ZNF234: variants seen among roughly 807,000 people sequenced by gnomAD.
The protein encoded by ZNF234 is C2-H2 type zinc finger protein.
A neutral mutation model predicts 10.3 loss-of-function variants in ZNF234; 4 were observed. The observed-to-expected ratio is 0.39, with a 90% confidence interval of 0.19 to 0.89. The LOEUF (loss-of-function observed/expected upper bound fraction) is 0.89. ZNF234 is among the 40% of genes least tolerant of loss of function. The pLI is 0.38. For synonymous variants in ZNF234, 258 were observed against 280.1 expected (o/e 0.92, Z 0.79); for missense variants, 711 against 836.1 (o/e 0.85, Z 1.85).
chr19:44,153,157 GTATTCATCATA>G (rs1968784998), intron 5 of ZNF234, among the ~76,000 whole-genome samples: 4 of 67,500 alleles, frequency 5.9e-5, no homozygotes, highest in African/African-American at 3.5e-4. Context: ...ATCTAATCAT[GTATTCATCATA>G]TATATATATA....
chr19:44,150,285 C>G (rs937074245), intron 4 of ZNF234, 128 bp from the exon 5 acceptor site: 6 of 571,100 alleles, frequency 1.1e-5, no homozygotes, highest in Non-Finnish European at 1.5e-5. Context: ...TCATTAGGTT[C>G]TTCTAAAAGT....
At position 44,144,657 on chromosome 19, in the gene ZNF234, G is replaced by A. The variant is rs1281551288; in HGVS notation, c.15+10G>A. ...AATGACCACATTCAAGGTGAATAAG[G>A]CTTGCCACTCTTGCTGTTAAAATTC... On this transcript the variant is annotated intron_variant, in intron 3 of 5. Transcript: ENST00000426739. The A allele has an allele frequency of 6.5e-7, 1 of 1,545,796 alleles. No homozygotes were observed. The highest frequency in any genetic ancestry group is 8.8e-7 in the Non-Finnish European group (1 of 1,139,620).
intron 3 of ZNF234, among the ~76,000 whole-genome samples, chr19:44,145,134 A>T (rs538693381): frequency 6.6e-6 from 1 of 152,152 alleles, no homozygotes. Flanking sequence ...GTGTGAATGA[A>T]CAGTTCTCCT....
At chr19:44,154,641 T>C (rs1968834825) in intron 5 of ZNF234, among the ~76,000 whole-genome samples, 1 of 146,782 alleles carries the variant, frequency 6.8e-6, no homozygotes, top group African/African-American at 2.5e-5. Flanking sequence ...TTTTTTTTTT[T>C]TTTTTTTTTG....
intron 3 of ZNF234, 21 bp from the exon 4 acceptor site, chr19:44,148,750 A>G (rs777728486): frequency 6.2e-7 from 1 of 1,612,710 alleles, no homozygotes; most frequent in South Asian, 1.1e-5. Flanking sequence ...AGGCTGAAGT[A>G]AGGTGTGTTT....
In ZNF234 at chr19:44,154,217, G is replaced by C. The variant is rs369943656; in HGVS notation, c.236-2035G>C. 3.9e-5 allele frequency among the ~76,000 whole-genome samples: 6 copies of C among 152,284 alleles called. 1 individual carries two copies. Among genetic ancestry groups the C allele is most frequent in the African/African-American group, 1.4e-4 (6 of 41,560 alleles). ...TTCCTCCCTGAATATAACTCCTGCT[G>C]TGGGGGTGGCTTTCAAAGTTTACAC... On this transcript the variant is annotated intron_variant, in intron 5 of 5. Transcript: ENST00000426739.
At chr19:44,148,486 G>A (rs1414433327) in intron 3 of ZNF234, among the ~76,000 whole-genome samples, 5 of 152,166 alleles carry the variant, frequency 3.3e-5, no homozygotes, top group Non-Finnish European at 5.9e-5. Flanking sequence ...GGTGAAACCC[G>A]TGTGGCTCAG....
chr19:44,159,373 C>T lies in ZNF234; in HGVS notation c.*1254C>T, dbSNP rs1763771238. On this transcript the variant is annotated 3_prime_UTR_variant, in exon 6 of 6. Coordinates refer to ENST00000426739, the MANE Select transcript of ZNF234 (RefSeq NM_006630.3). The stretch of plus-strand genomic sequence containing the variant: ...TGTATGTTTGGTAGAGAAAGGGTTT[C>T]ACCACATTGCCCAGGCTGGTCTTGA... 4.7e-6 allele frequency: 1 copy of T among 214,722 alleles called. No individual in the cohort carries two copies. Among genetic ancestry groups the T allele is most frequent in the Non-Finnish European group, 9.9e-6 (1 of 100,546 alleles). The allele number at this position is 214,722 out of a possible 1,614,324, so 13.3% of individuals were successfully genotyped here.
chr19:44,157,364 C>T lies in ZNF234; in HGVS notation c.1348C>T (p.His450Tyr), dbSNP rs1968920951. The change falls in exon 6 of 6, where the codon CAT becomes TAT. Residue 450 changes from histidine (H) to tyrosine (Y), a missense_variant. By Grantham distance (83) the His-to-Tyr change is moderately conservative (BLOSUM62 2). Coordinates refer to ENST00000426739, the MANE Select transcript of ZNF234 (RefSeq NM_006630.3). The part of the protein sequence containing the change: ...SSYLKIHLKA[H>Y]SVQKPFKCEE... Reference sequence around the variant, plus strand: ...ATATCTTAAAATCCATCTGAAAGCACATAGTGTACAGAAACCTTTTAAGTG... The same window carrying T: ...ATATCTTAAAATCCATCTGAAAGCATATAGTGTACAGAAACCTTTTAAGTG... 3 of 1,613,956 alleles carry T rather than the reference C, an allele frequency of 1.9e-6. No homozygotes were observed.
Position 44,159,725 on chromosome 19 carries a change from CT to C in ZNF234, c.*1607del, listed in dbSNP as rs1485180611. On this transcript the variant is annotated 3_prime_UTR_variant, in exon 6 of 6. Coordinates refer to ENST00000426739, the MANE Select transcript of ZNF234 (RefSeq NM_006630.3). ...CTTTGACATGATTGCCGTCTAATAA[CT>C]GTAGCATTCTCTTATTAAAACTTCT... 1 of 402,666 alleles carries C rather than the reference CT, an allele frequency of 2.5e-6. No individual in the cohort carries two copies. The highest frequency in any genetic ancestry group is 5.3e-6 in the Non-Finnish European group (1 of 189,660). The allele number at this position is 402,666 out of a possible 1,614,324, so 24.9% of individuals were successfully genotyped here. A position where few individuals can be genotyped will look rare whatever the true frequency, so the allele number is the denominator to read the frequency against.
chr19:44,157,444 G>C lies in ZNF234; in HGVS notation c.1428G>C (p.Leu476=). 6.2e-7 allele frequency: 1 copy of C among 1,613,910 alleles called. No homozygotes were observed. Among genetic ancestry groups the C allele is most frequent in the Non-Finnish European group, 8.5e-7 (1 of 1,179,884 alleles). ...NQSSRLQIHQ[L]IHTGEKPYKC... ...GCTCACGACTTCAGATTCACCAGCTGATCCATACCGGTGAGAAACCATACA... is the reference window on the plus strand; with the variant it reads ...GCTCACGACTTCAGATTCACCAGCTCATCCATACCGGTGAGAAACCATACA... Residue 476 remains leucine, a synonymous_variant, in exon 6 of 6, where the codon CTG becomes CTC. Coordinates refer to ENST00000426739, the MANE Select transcript of ZNF234 (RefSeq NM_006630.3).
At position 44,141,636 on chromosome 19, in the gene ZNF234, G is replaced by C. The variant is rs1599689084; in HGVS notation, c.-228G>C. ...CCACGGTAGTTTCTTCCAGTTCCGC[G>C]ACTCGCGGGCCCCTCCTAATGTCAG... On this transcript the variant is annotated 5_prime_UTR_variant, in exon 1 of 6. Coordinates refer to ENST00000426739, the MANE Select transcript of ZNF234 (RefSeq NM_006630.3). The surrounding 1 kb of genome is among the most constrained non-coding windows in gnomAD (Gnocchi z 4.6). 2 of 152,300 alleles carry C rather than the reference G, an allele frequency of 1.3e-5. No individual in the cohort carries two copies. Among genetic ancestry groups the C allele is most frequent in the Non-Finnish European group, 2.9e-5 (2 of 68,082 alleles). 9.4% of individuals were successfully genotyped at this position (152,300 alleles called of 1,614,324 possible).
chr19:44,158,118 G>T lies in ZNF234; in HGVS notation c.2102G>T (p.Ter701LeuextTer12). ...TCAGAGGGAGGAAGTTCTACAAGGT[G>T]ATTAAAAAAAAAAAAACAGAACTCA... Reference protein sequence around the residue: ...ELSEGGSSTR* With the variant: ...ELSEGGSSTRL The change falls in exon 6 of 6, where the codon TGA (stop) becomes TTA (leucine). Residue 701 changes from the stop codon to leucine (L), a stop_lost. Coordinates refer to ENST00000426739, the MANE Select transcript of ZNF234 (RefSeq NM_006630.3). 2 of 1,484,988 alleles carry T rather than the reference G, an allele frequency of 1.3e-6. No individual in the cohort carries two copies. The highest frequency in any genetic ancestry group is 1.2e-5 in the South Asian group (1 of 82,922). 92.0% of individuals were successfully genotyped at this position (1,484,988 alleles called of 1,614,324 possible). A position where few individuals can be genotyped will look rare whatever the true frequency, so the allele number is the denominator to read the frequency against.
At position 44,157,583 on chromosome 19, in the gene ZNF234, C is replaced by T. The variant is rs763479805; in HGVS notation, c.1567C>T (p.Gln523Ter). 2.5e-6 allele frequency: 4 copies of T among 1,613,958 alleles called. No individual in the cohort carries two copies. The East Asian group carries it at 6.7e-5, about 27-fold the overall frequency. The change falls in exon 6 of 6, where the codon CAG becomes TAG. Residue 523 changes from glutamine to a stop codon, truncating the protein, a stop_gained. Coordinates refer to ENST00000426739, the MANE Select transcript of ZNF234 (RefSeq NM_006630.3). LOFTEE classifies it low-confidence loss of function (END_TRUNC). ...NCEECGKVFS[Q>*]ASHLLTHQRV... ...TGAGGAGTGTGGGAAGGTCTTCAGT[C>T]AGGCCTCGCATCTTCTAACCCATCA... is the stretch of plus-strand genomic sequence containing the variant.
intron 5 of ZNF234, among the ~76,000 whole-genome samples, chr19:44,151,597 A>G (rs10406116): frequency 0.012 from 1,778 of 152,240 alleles, 39 homozygotes; most frequent in African/African-American, 0.041. Context: ...TTGAAGTCCA[A>G]CATGGGTCTC....
chr19:44,143,027 C>G (rs910855979), intron 2 of ZNF234, among the ~76,000 whole-genome samples: 3 of 152,272 alleles, frequency 2.0e-5, no homozygotes, highest in Admixed American at 6.5e-5. Flanking sequence ...AACTAGTGAC[C>G]TGCCATATTC....
chr19:44,158,169 G>T lies in ZNF234; in HGVS notation c.*50G>T. On this transcript the variant is annotated 3_prime_UTR_variant, in exon 6 of 6. Coordinates refer to ENST00000426739, the MANE Select transcript of ZNF234 (RefSeq NM_006630.3). ...TGTACAACCTGAATGCTTGTAATTA[G>T]ATTTCATAGGAGGGAAAAATTTTCT... 6.3e-7 allele frequency: 1 copy of T among 1,578,102 alleles called. No homozygotes were observed.
At chr19:44,143,466 G>A (rs930704536) in intron 2 of ZNF234, among the ~76,000 whole-genome samples, 3 of 151,588 alleles carry the variant, frequency 2.0e-5, no homozygotes, top group African/African-American at 7.2e-5. Flanking sequence ...AAAATTAGCC[G>A]GGCGTGTTGG....
At position 44,159,617 on chromosome 19, in the gene ZNF234, T is replaced by C; in HGVS notation, c.*1498T>C. 2.1e-6 allele frequency: 1 copy of C among 475,806 alleles called. No homozygotes were observed. Among genetic ancestry groups the C allele is most frequent in the South Asian group, 1.5e-5 (1 of 67,086 alleles). The allele number at this position is 475,806 out of a possible 1,614,324, so 29.5% of individuals were successfully genotyped here. A position where few individuals can be genotyped will look rare whatever the true frequency, so the allele number is the denominator to read the frequency against. On this transcript the variant is annotated 3_prime_UTR_variant, in exon 6 of 6. Transcript: ENST00000426739. ...GGGGTTTACTCTAACACTTTTAAAG[T>C]GTCAGAAGTAGTTGCCAATGCCAAA... is the stretch of plus-strand genomic sequence containing the variant.
Sources: gnomAD v4.1 joint callset for allele counts (sites outside exome capture counted in the v4.1 genomes callset) on GRCh38, gnomAD v4.1.1 for gene constraint, Gnocchi (gnomAD v3.1) non-coding constraint, MANE v1.5 for transcripts, NCBI Gene and HGNC (gene_info 2026-07-23, HGNC 2026-07-21) for gene names.